FAM185A: variants seen among roughly 807,000 people sequenced by gnomAD.
The protein encoded by FAM185A is family with sequence similarity 185 member A, also known as protein FAM185A.
In FAM185A, 21 loss-of-function variants were observed where a neutral mutation model predicts 45.7. That is an observed-to-expected ratio of 0.46 (90% CI 0.33 to 0.66). FAM185A has a LOEUF of 0.66. Ranked by LOEUF, FAM185A falls within the 30% of genes least tolerant of loss-of-function variation. FAM185A has a pLI of 0.03. For missense variants in FAM185A, 305 were observed against 485.4 expected, an observed-to-expected ratio of 0.63 and a Z score of 3.49; for synonymous variants, 117 against 194.0, an observed-to-expected ratio of 0.60 and a Z score of 3.30.
the FAM185A span, among the ~76,000 whole-genome samples, chr7:102,843,277 C>G: frequency 1.3e-5 from 2 of 152,042 alleles, no homozygotes; most frequent in African/African-American, 4.8e-5. Flanking sequence ...AACCCCGTCT[C>G]TACTAAAAAT....
At chr7:102,774,628 CT>C (rs1794944961) in intron 5 of FAM185A, among the ~76,000 whole-genome samples, 1 of 152,082 alleles carries the variant, frequency 6.6e-6, no homozygotes, top group South Asian at 2.1e-4. Flanking sequence ...AAAAGTTTCT[CT>C]TTTTTTACTT....
chr7:102,817,971 C>T, the FAM185A span, among the ~76,000 whole-genome samples: 1 of 152,184 alleles, frequency 6.6e-6, no homozygotes, highest in Non-Finnish European at 1.5e-5. Flanking sequence ...ATAGTTGTAA[C>T]ATTTCACATT....
At chr7:102,814,750 A>C in the FAM185A span, among the ~76,000 whole-genome samples, 3 of 152,232 alleles carry the variant, frequency 2.0e-5, no homozygotes, top group Non-Finnish European at 4.4e-5. Context: ...CTTCAGAGAA[A>C]TATTTATTCT....
the FAM185A span, among the ~76,000 whole-genome samples, chr7:102,849,991 CTGTTT>C: frequency 1.3e-3 from 191 of 151,216 alleles, 2 homozygotes; most frequent in African/African-American, 4.4e-3. Context: ...CACATGTATC[CTGTTT>C]TGTTTTGTTT....
chr7:102,762,209 T>A (rs1244923546), intron 4 of FAM185A, among the ~76,000 whole-genome samples: 1 of 152,224 alleles, frequency 6.6e-6, no homozygotes, highest in Non-Finnish European at 1.5e-5. Context: ...TGTTTCCATT[T>A]TCTTTGATAA....
At chr7:102,812,816 T>C (rs1027612029), downstream of FAM185A, among the ~76,000 whole-genome samples, 7 of 151,866 alleles carry the variant, frequency 4.6e-5, no homozygotes, top group Admixed American at 3.9e-4. Context: ...AGAAATTTTG[T>C]GTAGTCAGTA....
the FAM185A span, among the ~76,000 whole-genome samples, chr7:102,836,473 T>C: frequency 6.6e-6 from 1 of 152,230 alleles, no homozygotes; most frequent in Non-Finnish European, 1.5e-5. Context: ...CACTTCTGGC[T>C]CCAATGCTGC....
intron 6 of FAM185A, among the ~76,000 whole-genome samples, chr7:102,779,549 T>C (rs1033973499): frequency 2.0e-5 from 3 of 152,198 alleles, no homozygotes; most frequent in Non-Finnish European, 4.4e-5. Flanking sequence ...CTTTTGAAAG[T>C]ATGTTTGGTA....
At chr7:102,843,474 G>A in the FAM185A span, among the ~76,000 whole-genome samples, 1 of 151,846 alleles carries the variant, frequency 6.6e-6, no homozygotes, top group Non-Finnish European at 1.5e-5. Context: ...AAAAAAACCT[G>A]CCACAGCTTT....
chr7:102,766,677 T>C (rs1013205972), intron 4 of FAM185A, among the ~76,000 whole-genome samples: 31 of 152,256 alleles, frequency 2.0e-4, no homozygotes, highest in African/African-American at 7.2e-4. Flanking sequence ...AAATGTTTTA[T>C]TGAAATTCTA....
the FAM185A span, among the ~76,000 whole-genome samples, chr7:102,817,656 C>T: frequency 6.6e-6 from 1 of 152,084 alleles, no homozygotes; most frequent in Non-Finnish European, 1.5e-5. Flanking sequence ...GGAGAAACCT[C>T]TCTCTCTCTC....
chr7:102,762,930 T>C (rs1794194386), intron 4 of FAM185A, among the ~76,000 whole-genome samples: 1 of 141,516 alleles, frequency 7.1e-6, no homozygotes, highest in African/African-American at 2.6e-5. Flanking sequence ...TATATAAGCA[T>C]TGCATTTCTA....
intron 7 of FAM185A, among the ~76,000 whole-genome samples, chr7:102,805,086 T>C (rs1304860004): frequency 6.6e-6 from 1 of 152,208 alleles, no homozygotes; most frequent in African/African-American, 2.4e-5. Flanking sequence ...CTGGTGAGTA[T>C]GTAAACTAGT....
chr7:102,841,935 C>A, the FAM185A span, among the ~76,000 whole-genome samples: 1 of 152,132 alleles, frequency 6.6e-6, no homozygotes, highest in African/African-American at 2.4e-5. Flanking sequence ...CACAAGCTAC[C>A]AGATATCCCC....
rs1554364935 is a variant in FAM185A, at chr7:102,758,459, T to TTTTTTTTTTTTTTTTTTTTTTTTTA, written c.654+513_654+514insTTTTTTTTTTTTTTTTTTTTTTTTA. Among the ~76,000 whole-genome samples the TTTTTTTTTTTTTTTTTTTTTTTTTA allele has an allele frequency of 2.8e-5, 3 of 107,448 alleles. 1 individual carries two copies. Among genetic ancestry groups the TTTTTTTTTTTTTTTTTTTTTTTTTA allele is most frequent in the Non-Finnish European group, 1.8e-5 (1 of 56,106 alleles). The allele number at this position is 107,448 out of a possible 152,430, so 70.5% of individuals were successfully genotyped here. A position where few individuals can be genotyped will look rare whatever the true frequency, so the allele number is the denominator to read the frequency against. ...TTTTTTTTTTTTTTTTTTTTTTTTTTATAGTAGCTATTGGGATTTTTGTTG... is the reference window on the plus strand; with the variant it reads ...TTTTTTTTTTTTTTTTTTTTTTTTTTTTTTTTTTTTTTTTTTTTTTTTTTAATAGTAGCTATTGGGATTTTTGTTG... On this transcript the variant is annotated intron_variant, in intron 3 of 7. Transcript: ENST00000413034.
chr7:102,808,425 G>T lies in FAM185A; in HGVS notation c.*23G>T. On this transcript the variant is annotated 3_prime_UTR_variant, in exon 8 of 8. Transcript: ENST00000413034. ...TAAAACTGATTTGAGTTGGATTTAT[G>T]ATTTTTAACAATGATTCGCAGATCT... The T allele has an allele frequency of 7.5e-7, 1 of 1,342,066 alleles. No individual in the cohort carries two copies. The highest frequency in any genetic ancestry group is 1.3e-5 in the South Asian group (1 of 79,514). 83.1% of individuals were successfully genotyped at this position (1,342,066 alleles called of 1,614,324 possible). A position where few individuals can be genotyped will look rare whatever the true frequency, so the allele number is the denominator to read the frequency against.
intron 7 of FAM185A, among the ~76,000 whole-genome samples, chr7:102,791,930 C>A (rs1283019703): frequency 6.6e-6 from 1 of 152,010 alleles, no homozygotes; most frequent in Admixed American, 6.6e-5. Flanking sequence ...TGGAGATTTC[C>A]AATCTGAAAC....
chr7:102,844,461 C>T, the FAM185A span, among the ~76,000 whole-genome samples: 8 of 152,232 alleles, frequency 5.3e-5, no homozygotes, highest in East Asian at 1.3e-3. Flanking sequence ...AGCCTGCCTG[C>T]GGCTGCCACA....
At chr7:102,784,659 A>G (rs1215262427) in intron 6 of FAM185A, among the ~76,000 whole-genome samples, 2 of 152,202 alleles carry the variant, frequency 1.3e-5, no homozygotes, top group Non-Finnish European at 2.9e-5. Flanking sequence ...CTCTCAATAA[A>G]TTAGGTATTG....
Sources: allele counts gnomAD v4.1 joint callset (sites outside exome capture counted in the v4.1 genomes callset), GRCh38; gene constraint gnomAD v4.1.1; transcripts MANE v1.5; gene names NCBI Gene and HGNC (gene_info 2026-07-23, HGNC 2026-07-21).